The following PPP1R12A variants were observed in gnomAD, a reference collection of about 807,000 sequenced individuals.
PPP1R12A encodes protein phosphatase 1 regulatory subunit 12A, also known as myosin binding subunit.
Under a neutral mutation model 139.6 loss-of-function variants are expected in PPP1R12A, and 19 were observed. That is an observed-to-expected ratio of 0.14 (90% CI 0.09 to 0.20). The LOEUF (loss-of-function observed/expected upper bound fraction) is 0.20. Among genes scored for constraint, PPP1R12A ranks in the 10% least tolerant of loss-of-function variants. The probability of loss-of-function intolerance (pLI) is 1.00; values close to 1 mark genes in which losing one functional copy is unlikely to be tolerated. For synonymous variants in PPP1R12A, 427 were observed against 420.6 expected (o/e 1.02, Z -0.19); for missense variants, 925 against 1,211.5 (o/e 0.76, Z 3.51).
intron 1 of PPP1R12A, among the ~76,000 whole-genome samples, chr12:79,924,040 T>C (rs1020789319): frequency 1.3e-4 from 20 of 151,974 alleles, no homozygotes; most frequent in Non-Finnish European, 2.2e-4. Context: ...CAAGACTCCG[T>C]CTCAAAAAAT....
intron 3 of PPP1R12A, among the ~76,000 whole-genome samples, chr12:79,841,929 G>GC (rs1373625502): frequency 6.6e-6 from 1 of 151,650 alleles, no homozygotes; most frequent in Non-Finnish European, 1.5e-5. Flanking sequence ...TTTTTTTTAG[G>GC]CTCTAGTTAT....
chr12:79,791,270 A>C (rs1310094451), intron 19 of PPP1R12A, among the ~76,000 whole-genome samples: 4 of 152,222 alleles, frequency 2.6e-5, no homozygotes, highest in Non-Finnish European at 5.9e-5. Context: ...AACAATAAAA[A>C]GTCTAGTGAG....
At chr12:79,815,051 G>C (rs1464805911) in intron 9 of PPP1R12A, among the ~76,000 whole-genome samples, 2 of 152,110 alleles carry the variant, frequency 1.3e-5, no homozygotes, top group African/African-American at 4.8e-5. Context: ...ACAGCAAAGA[G>C]ATTACTGGCC....
At chr12:79,885,949 G>A (rs577196009) in intron 1 of PPP1R12A, among the ~76,000 whole-genome samples, 49 of 152,122 alleles carry the variant, frequency 3.2e-4, no homozygotes, top group African/African-American at 1.2e-3. Context: ...TCTTGCTTTG[G>A]CCTCCCAAAG....
intron 2 of PPP1R12A, among the ~76,000 whole-genome samples, chr12:79,863,526 T>C (rs952668693): frequency 5.3e-5 from 8 of 151,134 alleles, no homozygotes; most frequent in East Asian, 2.0e-4. Flanking sequence ...GACTGGCAAA[T>C]TGGATAAAGA....
chr12:79,867,575 T>C (rs1273177730), intron 2 of PPP1R12A, among the ~76,000 whole-genome samples: 1 of 152,044 alleles, frequency 6.6e-6, no homozygotes, highest in African/African-American at 2.4e-5. Flanking sequence ...GCAAGGAAAT[T>C]CATTATTTAA....
chr12:79,828,668 C>T (rs1336192621), intron 4 of PPP1R12A, among the ~76,000 whole-genome samples: 1 of 152,000 alleles, frequency 6.6e-6, no homozygotes, highest in Non-Finnish European at 1.5e-5. Context: ...TGAGTCATTG[C>T]CATAATAATG....
intron 12 of PPP1R12A, 59 bp from the exon 13 acceptor site, chr12:79,806,392 G>A (rs1184329322): frequency 7.0e-7 from 1 of 1,432,382 alleles, no homozygotes; most frequent in African/African-American, 1.4e-5. Flanking sequence ...TATAGTTAAT[G>A]TCTATACATT....
At position 79,798,574 on chromosome 12, in the gene PPP1R12A, T is replaced by C; in HGVS notation, c.2011A>G (p.Thr671Ala). The C allele has an allele frequency of 1.3e-6, 2 of 1,555,918 alleles. 1 individual carries two copies. Among genetic ancestry groups the C allele is most frequent in the South Asian group, 2.4e-5 (2 of 85,010 alleles). ...TCAGACTCTTCATCCCTAACAGGAG[T>C]GAGGTATGATCTACAGTAGTAAATT... ...EVRERRRSYL[T>A]PVRDEESESQ... Residue 671 changes from threonine to alanine, a missense_variant, in exon 15 of 25, where the codon ACT (threonine) becomes GCT (alanine). Around this residue, in one of 4 missense-constraint regions of PPP1R12A, gnomAD observed 403 missense variants for 463.7 expected, o/e 0.87. Transcript: ENST00000450142.
upstream of PPP1R12A, chr12:79,935,171 T>C: frequency 2.2e-6 from 3 of 1,335,304 alleles, no homozygotes; most frequent in South Asian, 3.8e-5. Context: ...CGGCCACCCG[T>C]CACCGGCGGC....
At chr12:79,820,995 C>A in intron 7 of PPP1R12A, 64 bp from the exon 8 acceptor site, 1 of 1,598,444 alleles carries the variant, frequency 6.3e-7, no homozygotes, top group African/African-American at 1.3e-5. Flanking sequence ...ATTCATTCTT[C>A]CCAGATCCAC....
At chr12:79,810,086 GT>G (rs1874339916) in intron 9 of PPP1R12A, 76 bp from the exon 10 acceptor site, 2 of 1,106,388 alleles carry the variant, frequency 1.8e-6, no homozygotes, top group Non-Finnish European at 2.6e-6. Context: ...GAAACAATAA[GT>G]TTACAGATAA....
intron 3 of PPP1R12A, among the ~76,000 whole-genome samples, chr12:79,841,453 A>C (rs1220135269): frequency 6.6e-6 from 1 of 152,136 alleles, no homozygotes; most frequent in Non-Finnish European, 1.5e-5. Flanking sequence ...AATCCTTAAG[A>C]AGGATTGTCT....
intron 1 of PPP1R12A, among the ~76,000 whole-genome samples, chr12:79,921,170 T>C (rs1308062669): frequency 1.3e-5 from 2 of 152,148 alleles, no homozygotes; most frequent in East Asian, 1.9e-4. Context: ...GATTTTTTTT[T>C]AGGTGTGTGC....
At chr12:79,812,875 C>T (rs750246259) in intron 9 of PPP1R12A, among the ~76,000 whole-genome samples, 6 of 152,134 alleles carry the variant, frequency 3.9e-5, no homozygotes, top group African/African-American at 9.7e-5. Flanking sequence ...TCATTTTCCT[C>T]CATCCATAAA....
Position 79,807,218 on chromosome 12 carries a change from A to C in PPP1R12A, c.1655+8T>G. Reference sequence around the variant, plus strand: ...TACATAAAAACCGCTTAAGAATAGTATTATTACCTTTTATGATACGTTGAT... The same window carrying C: ...TACATAAAAACCGCTTAAGAATAGTCTTATTACCTTTTATGATACGTTGAT... On this transcript the variant is annotated splice_region_variant and intron_variant, in intron 12 of 24. Coordinates refer to ENST00000450142, the MANE Select transcript of PPP1R12A (RefSeq NM_002480.3). 1 of 1,462,678 alleles carries C rather than the reference A, an allele frequency of 6.8e-7. No homozygotes were observed. Among genetic ancestry groups the C allele is most frequent in the Non-Finnish European group, 9.3e-7 (1 of 1,074,228 alleles). 90.6% of individuals were successfully genotyped at this position (1,462,678 alleles called of 1,614,324 possible). A position where few individuals can be genotyped will look rare whatever the true frequency, so the allele number is the denominator to read the frequency against.
intron 2 of PPP1R12A, among the ~76,000 whole-genome samples, chr12:79,853,226 C>A (rs1880262197): frequency 6.6e-6 from 1 of 152,118 alleles, no homozygotes; most frequent in Non-Finnish European, 1.5e-5. Flanking sequence ...GCTATGGTGT[C>A]CCTCTACTAG....
chr12:79,815,327 G>A (rs181549519), intron 9 of PPP1R12A, among the ~76,000 whole-genome samples: 43 of 152,130 alleles, frequency 2.8e-4, no homozygotes, highest in Non-Finnish European at 4.9e-4. Context: ...TCAGGAGTTC[G>A]AGAATACCCT....
intron 1 of PPP1R12A, among the ~76,000 whole-genome samples, chr12:79,910,597 G>T (rs995072485): frequency 1.3e-5 from 2 of 150,970 alleles, no homozygotes; most frequent in African/African-American, 4.9e-5. Flanking sequence ...AAATTAAAAT[G>T]TTTTAAATCT....
Sources: allele counts gnomAD v4.1 joint callset (sites outside exome capture counted in the v4.1 genomes callset), GRCh38; gene constraint gnomAD v4.1.1; regional missense constraint gnomAD v4.1.1; transcripts MANE v1.5; gene names NCBI Gene and HGNC (gene_info 2026-07-23, HGNC 2026-07-21).